The following CPNE4 variants were observed in gnomAD, a reference collection of about 807,000 sequenced individuals.
CPNE4 encodes copine-4.
In CPNE4, 25 loss-of-function variants were observed where a neutral mutation model predicts 67.9. The observed-to-expected ratio is 0.37, with a 90% confidence interval of 0.27 to 0.51. CPNE4 has a LOEUF of 0.51. Among genes scored for constraint, CPNE4 ranks in the 20% least tolerant of loss-of-function variants. The probability of loss-of-function intolerance (pLI) is 0.93; values close to 1 mark genes in which losing one functional copy is unlikely to be tolerated. For synonymous variants in CPNE4, 242 were observed against 244.9 expected (o/e 0.99, Z 0.11); for missense variants, 464 against 690.8 (o/e 0.67, Z 3.68).
intron 6 of CPNE4, among the ~76,000 whole-genome samples, chr3:131,674,890 A>T (rs2080519694): frequency 6.6e-6 from 1 of 151,046 alleles, no homozygotes; most frequent in Admixed American, 6.6e-5. Context: ...TGGTTCTTTG[A>T]GATACATTTT....
intron 1 of CPNE4, among the ~76,000 whole-genome samples, chr3:132,019,311 T>C (rs1252177417): frequency 6.6e-6 from 1 of 152,042 alleles, no homozygotes; most frequent in Non-Finnish European, 1.5e-5. Context: ...TCATTTCTTA[T>C]TAAAAAAAAA....
chr3:131,777,522 T>C (rs1028664850), intron 2 of CPNE4, among the ~76,000 whole-genome samples: 3 of 151,808 alleles, frequency 2.0e-5, no homozygotes, highest in Non-Finnish European at 2.9e-5. Context: ...TGGAGGATGA[T>C]CACATTGGAG....
At chr3:132,025,028 C>A (rs1295866680) in intron 1 of CPNE4, among the ~76,000 whole-genome samples, 1 of 152,152 alleles carries the variant, frequency 6.6e-6, no homozygotes, top group East Asian at 1.9e-4. Flanking sequence ...CTACCCTAGA[C>A]CCACTGAGTT....
intron 15 of CPNE4, among the ~76,000 whole-genome samples, chr3:131,542,204 C>T (rs1415571013): frequency 1.3e-5 from 2 of 152,142 alleles, no homozygotes; most frequent in African/African-American, 4.8e-5. Context: ...AGGGAACAAG[C>T]TGCCCATCTG....
chr3:131,567,010 C>T (rs1937090453), intron 10 of CPNE4, among the ~76,000 whole-genome samples: 1 of 151,916 alleles, frequency 6.6e-6, no homozygotes, highest in African/African-American at 2.4e-5. Flanking sequence ...CACTTCTATT[C>T]ATGATGCCTT....
rs532250807 is a variant in CPNE4, at chr3:131,958,909, T to C, written c.-1-53465A>G. ...TCCCGACCTCGTGATTCGCCCGACT[T>C]GGCCTCCCAAAGTGCTACAATCACA... On this transcript the variant is annotated intron_variant, in intron 1 of 15. Transcript: ENST00000429747. 4.3e-4 allele frequency among the ~76,000 whole-genome samples: 64 copies of C among 148,066 alleles called. 3 individuals carry two copies. The highest frequency in any genetic ancestry group is 8.6e-4 in the Non-Finnish European group (58 of 67,174).
At chr3:131,799,949 GTGTGTGTATT>G (rs1304769221) in intron 2 of CPNE4, among the ~76,000 whole-genome samples, 2 of 136,088 alleles carry the variant, frequency 1.5e-5, no homozygotes, top group African/African-American at 5.4e-5. Flanking sequence ...GTGTGTGTGT[GTGTGTGTATT>G]TCATACATCT....
intron 1 of CPNE4, among the ~76,000 whole-genome samples, chr3:132,025,068 C>T (rs184821706): frequency 2.0e-5 from 3 of 152,306 alleles, no homozygotes; most frequent in Admixed American, 1.3e-4. Context: ...CCCATCACTT[C>T]GGGTTTTAAC....
chr3:131,697,768 C>A (rs948931785), intron 4 of CPNE4, among the ~76,000 whole-genome samples: 2 of 152,104 alleles, frequency 1.3e-5, no homozygotes, highest in East Asian at 1.9e-4. Context: ...TGATTACTGA[C>A]CCTTAAGTAT....
intron 1 of CPNE4, among the ~76,000 whole-genome samples, chr3:131,964,065 G>A (rs191095977): frequency 6.6e-6 from 1 of 152,294 alleles, no homozygotes; most frequent in East Asian, 1.9e-4. Flanking sequence ...GCCTCCACTG[G>A]TGATACCCAG....
chr3:131,819,209 A>G lies in CPNE4; in HGVS notation c.180+86055T>C, dbSNP rs532351386. ...CCAGTAATACTTCACTACTCATGAT[A>G]CATGTGATCAAGAGAACAAAACTGA... On this transcript the variant is annotated intron_variant, in intron 2 of 15. Transcript: ENST00000429747. Among the ~76,000 whole-genome samples the G allele has an allele frequency of 3.3e-5, 5 of 152,308 alleles. 1 individual carries two copies. In the South Asian group the frequency reaches 8.3e-4, roughly 25 times the overall value.
intron 11 of CPNE4, among the ~76,000 whole-genome samples, chr3:131,558,221 A>G (rs1041601581): frequency 9.2e-5 from 14 of 152,022 alleles, no homozygotes; most frequent in African/African-American, 3.1e-4. Flanking sequence ...ACTAATAAAC[A>G]CACTAAAGAA....
At chr3:131,784,883 A>G (rs1007855185) in intron 2 of CPNE4, among the ~76,000 whole-genome samples, 1 of 152,106 alleles carries the variant, frequency 6.6e-6, no homozygotes, top group Non-Finnish European at 1.5e-5. Flanking sequence ...TATTGCAACC[A>G]ATCTCCTACT....
At chr3:131,599,913 T>A (rs866070234) in intron 7 of CPNE4, among the ~76,000 whole-genome samples, 1 of 151,996 alleles carries the variant, frequency 6.6e-6, no homozygotes, top group Non-Finnish European at 1.5e-5. Context: ...CTTTAAAGAG[T>A]GTCTTTTCCC....
intron 5 of CPNE4, among the ~76,000 whole-genome samples, chr3:131,693,884 CTGTT>C (rs1428404200): frequency 6.6e-6 from 1 of 152,184 alleles, no homozygotes; most frequent in Non-Finnish European, 1.5e-5. Context: ...GTCAGGCAAT[CTGTT>C]TGAGTCCCTC....
chr3:131,907,428 C>T (rs1363770530), intron 1 of CPNE4, among the ~76,000 whole-genome samples: 1 of 151,966 alleles, frequency 6.6e-6, no homozygotes, highest in Non-Finnish European at 1.5e-5. Context: ...AGCACTACAC[C>T]AGGTTTAACT....
intron 1 of CPNE4, among the ~76,000 whole-genome samples, chr3:131,918,050 C>T (rs1016265789): frequency 1.3e-5 from 2 of 152,180 alleles, no homozygotes; most frequent in Non-Finnish European, 2.9e-5. Context: ...TCCCATAATA[C>T]GATCAAATTT....
At chr3:131,941,682 G>A (rs1169466207) in intron 1 of CPNE4, among the ~76,000 whole-genome samples, 1 of 152,106 alleles carries the variant, frequency 6.6e-6, no homozygotes, top group South Asian at 2.1e-4. Flanking sequence ...CTGGTTTAGA[G>A]CATACATATT....
chr3:132,001,603 GAAAGAAAGA>G (rs1478976058), intron 1 of CPNE4, among the ~76,000 whole-genome samples: 12 of 148,980 alleles, frequency 8.1e-5, no homozygotes, highest in Non-Finnish European at 1.5e-4. Context: ...AAGAAAGAAA[GAAAGAAAGA>G]AAGAAAATGA....
Sources: gnomAD v4.1 joint callset for allele counts (sites outside exome capture counted in the v4.1 genomes callset) on GRCh38, gnomAD v4.1.1 for gene constraint, MANE v1.5 for transcripts, NCBI Gene and HGNC (gene_info 2026-07-23, HGNC 2026-07-21) for gene names.